The following CDC27 variants were observed in gnomAD, a reference collection of about 807,000 sequenced individuals.
CDC27 encodes the protein cell division cycle 27.
Under a neutral mutation model 109.7 loss-of-function variants are expected in CDC27, and 27 were observed. That is an observed-to-expected ratio of 0.25 (90% CI 0.18 to 0.34). CDC27 has a LOEUF of 0.34. Ranked by LOEUF, CDC27 falls within the 10% of genes least tolerant of loss-of-function variation. The probability of loss-of-function intolerance (pLI) is 1.00; values close to 1 mark genes in which losing one functional copy is unlikely to be tolerated. For synonymous variants in CDC27, 266 were observed against 333.9 expected (o/e 0.80, Z 2.22); for missense variants, 579 against 960.2 (o/e 0.60, Z 5.25).
intron 12 of CDC27, among the ~76,000 whole-genome samples, chr17:47,140,674 G>A (rs1358709613): frequency 1.3e-5 from 2 of 152,050 alleles, no homozygotes; most frequent in Non-Finnish European, 2.9e-5. Flanking sequence ...CAATAAATTA[G>A]AAATAATTTT....
At chr17:47,140,837 A>G (rs2062772382) in intron 12 of CDC27, among the ~76,000 whole-genome samples, 2 of 152,206 alleles carry the variant, frequency 1.3e-5, no homozygotes, top group African/African-American at 4.8e-5. Flanking sequence ...AATTATATGA[A>G]TAGGTATCCT....
At chr17:47,156,487 G>A (rs897830688) in intron 7 of CDC27, among the ~76,000 whole-genome samples, 14 of 145,942 alleles carry the variant, frequency 9.6e-5, no homozygotes, top group African/African-American at 1.5e-4. Context: ...TTGGTCTGTC[G>A]CCCAGGATGG....
rs1568374869 is a variant in CDC27 at position 47,133,086 on chromosome 17, A to ACAC, written c.1914-713_1914-712insGTG. Among the ~76,000 whole-genome samples the ACAC allele has an allele frequency of 6.5e-4, 20 of 30,624 alleles. No individual in the cohort carries two copies. The South Asian group carries it at 7.7e-3, about 12-fold the overall frequency. The allele number at this position is 30,624 out of a possible 152,430, so 20.1% of individuals were successfully genotyped here. ...ATACACACACACACACACACACACAAACACACACACACAAATATACATATA... is the reference window on the plus strand; with the variant it reads ...ATACACACACACACACACACACACAACACACACACACACACAAATATACATATA... On this transcript the variant is annotated intron_variant, in intron 14 of 18. Transcript: ENST00000066544.
rs1458451057 is a variant in CDC27, at chr17:47,171,914, T to C, written c.251+3A>G. 1 of 1,581,380 alleles carries C rather than the reference T, an allele frequency of 6.3e-7. No homozygotes were observed. Among genetic ancestry groups the C allele is most frequent in the Admixed American group, 1.8e-5 (1 of 54,900 alleles). The stretch of plus-strand genomic sequence containing the variant: ...AATAGCTAGAAAATATTTTAAAACT[T>C]ACTTGCTGAGATCAACACAACATTT... On this transcript the variant is annotated splice_donor_region_variant and intron_variant, in intron 3 of 18. Coordinates refer to ENST00000066544, the MANE Select transcript of CDC27 (RefSeq NM_001256.6).
intron 16 of CDC27, among the ~76,000 whole-genome samples, chr17:47,125,235 CTTTTTTTTTTTTTTTTT>C (rs58631604): frequency 2.1e-5 from 1 of 48,044 alleles, no homozygotes; most frequent in Non-Finnish European, 3.6e-5. Flanking sequence ...TTAAAGAAAT[CTTTTTTTTTTTTTTTTT>C]TTTTTTTTTT....
At chr17:47,129,175 A>G (rs997906962) in intron 16 of CDC27, among the ~76,000 whole-genome samples, 1 of 152,240 alleles carries the variant, frequency 6.6e-6, no homozygotes, top group East Asian at 1.9e-4. Flanking sequence ...TATATAAGAC[A>G]TCTTTACAAG....
At chr17:47,159,411 T>C in intron 4 of CDC27, 1 of 1,001,462 alleles carries the variant, frequency 1.0e-6, no homozygotes, top group Non-Finnish European at 1.4e-6. Context: ...GGTGTAGCAG[T>C]CATCGATACC....
intron 9 of CDC27, among the ~76,000 whole-genome samples, chr17:47,146,552 T>G (rs1357614658): frequency 1.3e-5 from 2 of 152,124 alleles, no homozygotes; most frequent in African/African-American, 4.8e-5. Context: ...ATAGGCAGAG[T>G]GAAGAAACCT....
At chr17:47,177,206 A>C (rs959999442) in intron 2 of CDC27, among the ~76,000 whole-genome samples, 1 of 152,122 alleles carries the variant, frequency 6.6e-6, no homozygotes, top group African/African-American at 2.4e-5. Flanking sequence ...GGATCGCTTG[A>C]GCCCAAGTGT....
At chr17:47,151,068 CTATT>C (rs2063138209) in intron 9 of CDC27, among the ~76,000 whole-genome samples, 1 of 152,132 alleles carries the variant, frequency 6.6e-6, no homozygotes, top group Admixed American at 6.5e-5. Context: ...TAGTGTTAGT[CTATT>C]TGTTTGACTC....
intron 16 of CDC27, among the ~76,000 whole-genome samples, chr17:47,125,647 G>A (rs541975802): frequency 2.2e-4 from 33 of 151,358 alleles, no homozygotes; most frequent in Admixed American, 1.2e-3. Flanking sequence ...AGGTTGAAGC[G>A]ATTCTCCTGC....
chr17:47,136,772 C>T (rs564868450), intron 14 of CDC27, among the ~76,000 whole-genome samples: 1 of 152,192 alleles, frequency 6.6e-6, no homozygotes, highest in African/African-American at 2.4e-5. Flanking sequence ...TCCTATTATC[C>T]AATAAGTGAA....
At chr17:47,161,729 GA>G (rs1341942630) in intron 4 of CDC27, 6 of 152,332 alleles carry the variant, frequency 3.9e-5, no homozygotes, top group African/African-American at 9.6e-5. Context: ...CAGCCTGGGT[GA>G]CAGAGCGAGA....
chr17:47,174,985 C>A (rs987332149), intron 2 of CDC27, among the ~76,000 whole-genome samples: 8 of 116,050 alleles, frequency 6.9e-5, no homozygotes, highest in Non-Finnish European at 1.3e-4. Context: ...CAGGACAGGA[C>A]AGGACAGGAA....
chr17:47,184,410 CA>C (rs2064352132), intron 1 of CDC27, among the ~76,000 whole-genome samples: 1 of 152,146 alleles, frequency 6.6e-6, no homozygotes, highest in African/African-American at 2.4e-5. Flanking sequence ...ATATAAGCCA[CA>C]AAAGACTCAA....
chr17:47,133,678 T>C (rs1369680299), intron 14 of CDC27, among the ~76,000 whole-genome samples: 1 of 151,540 alleles, frequency 6.6e-6, no homozygotes, highest in Non-Finnish European at 1.5e-5. Flanking sequence ...ACTCAGGTGA[T>C]CCGCCCGCCT....
At chr17:47,164,228 T>G (rs904961442) in intron 4 of CDC27, among the ~76,000 whole-genome samples, 75 of 152,232 alleles carry the variant, frequency 4.9e-4, no homozygotes, top group African/African-American at 1.8e-3. Flanking sequence ...AGGTGTGTAG[T>G]AGGCTACACC....
chr17:47,188,809 C>A (rs2064553117), intron 1 of CDC27: 3 of 1,219,310 alleles, frequency 2.5e-6, no homozygotes, highest in Admixed American at 7.1e-5. Context: ...GGCAAGAGAG[C>A]GCTTGGGGTG....
chr17:47,157,389 G>T lies in CDC27; in HGVS notation c.476-5C>A. 1 of 1,495,648 alleles carries T rather than the reference G, an allele frequency of 6.7e-7. No homozygotes were observed. Among genetic ancestry groups the T allele is most frequent in the Non-Finnish European group, 8.9e-7 (1 of 1,123,696 alleles). 92.6% of individuals were successfully genotyped at this position (1,495,648 alleles called of 1,614,324 possible). On this transcript the variant is annotated splice_region_variant and splice_polypyrimidine_tract_variant and intron_variant, in intron 5 of 18. Transcript: ENST00000066544. ...GGTCAGGATCTGGCTTTTCACCTGT[G>T]AAGACAAAAAAAAAAAAAGTTTGTC...
Sources: allele counts gnomAD v4.1 joint callset (sites outside exome capture counted in the v4.1 genomes callset), GRCh38; gene constraint gnomAD v4.1.1; transcripts MANE v1.5; gene names NCBI Gene and HGNC (gene_info 2026-07-23, HGNC 2026-07-21).